TTLL7: variants seen among roughly 807,000 people sequenced by gnomAD.
The protein encoded by TTLL7 is tubulin tyrosine ligase like 7.
Under a neutral mutation model 120.2 loss-of-function variants are expected in TTLL7, and 53 were observed. That is an observed-to-expected ratio of 0.44 (90% confidence interval 0.35 to 0.55). The LOEUF (loss-of-function observed/expected upper bound fraction) is 0.55, where lower values mean the gene tolerates loss of function less well. Ranked by LOEUF, TTLL7 falls within the 20% of genes least tolerant of loss-of-function variation. The pLI is 0.00. For missense variants in TTLL7, 803 were observed against 1,054.7 expected (o/e 0.76, Z 3.31); for synonymous variants, 353 against 351.7 (o/e 1.00, Z -0.04).
In TTLL7 at chr1:83,991,399, A is replaced by AT. The variant is rs558594387; in HGVS notation, c.-177+7531dup. ...GGTGGTTCACACCTGTAATCCCTGC[A>AT]TTTTGGGATGCTAAGGCTGGTGGAC... On this transcript the variant is annotated intron_variant, in intron 1 of 20. Coordinates refer to ENST00000260505, the MANE Select transcript of TTLL7 (RefSeq NM_024686.6). Among the ~76,000 whole-genome samples, 8 of 152,302 alleles carry AT rather than the reference A, an allele frequency of 5.3e-5. No homozygotes were observed. The East Asian group carries it at 1.5e-3, about 29-fold the overall frequency.
At chr1:83,914,479 ATG>A (rs1557626684) in intron 14 of TTLL7, among the ~76,000 whole-genome samples, 2 of 151,668 alleles carry the variant, frequency 1.3e-5, no homozygotes, top group Non-Finnish European at 2.9e-5. Context: ...CTACAGGCGC[ATG>A]CCACCACACC....
At chr1:83,914,593 G>A (rs1161586019) in intron 14 of TTLL7, among the ~76,000 whole-genome samples, 4 of 152,058 alleles carry the variant, frequency 2.6e-5, no homozygotes, top group East Asian at 1.9e-4. Context: ...GCCTCCCAAA[G>A]TGCTGGGATT....
At chr1:83,937,749 G>A (rs1482779261) in intron 8 of TTLL7, 103 bp downstream of exon 8, 15 of 1,370,664 alleles carry the variant, frequency 1.1e-5, no homozygotes, top group Non-Finnish European at 1.5e-5. Flanking sequence ...TCAATTATAG[G>A]GAACCAAGTT....
chr1:83,948,562 A>G (rs1648733363), intron 5 of TTLL7, 66 bp downstream of exon 5: 1 of 1,005,522 alleles, frequency 9.9e-7, no homozygotes, highest in Non-Finnish European at 1.5e-6. Flanking sequence ...TGTGAAAGAT[A>G]GCACTACAGT....
intron 1 of TTLL7, among the ~76,000 whole-genome samples, chr1:83,988,188 A>G (rs920495425): frequency 1.3e-5 from 2 of 152,236 alleles, no homozygotes; most frequent in African/African-American, 4.8e-5. Flanking sequence ...CTCCAGCTGC[A>G]TCCATGTTGC....
intron 1 of TTLL7, among the ~76,000 whole-genome samples, chr1:83,991,580 G>C (rs1653006488): frequency 2.6e-5 from 4 of 152,108 alleles, no homozygotes; most frequent in Admixed American, 2.6e-4. Flanking sequence ...GGAATTTAAG[G>C]CTGCAGTGAA....
intron 19 of TTLL7, chr1:83,889,864 T>G (rs1479760430): frequency 1.1e-5 from 5 of 455,542 alleles, no homozygotes; most frequent in African/African-American, 6.0e-5. Context: ...CCAACTTGTA[T>G]GACTGAGAGA....
Position 83,868,847 on chromosome 1 carries a change from T to A in TTLL7, c.*1115A>T, listed in dbSNP as rs1233699325. ...AAGATTTTGTTACCATCATTTTCTG[T>A]TCCTTTATGTGATTATGAAAAGTAA... On this transcript the variant is annotated 3_prime_UTR_variant, in exon 21 of 21. Coordinates refer to ENST00000260505, the MANE Select transcript of TTLL7 (RefSeq NM_024686.6). 1.3e-5 allele frequency: 2 copies of A among 152,104 alleles called. No individual in the cohort carries two copies. Among genetic ancestry groups the A allele is most frequent in the Admixed American group, 6.6e-5 (1 of 15,266 alleles). 9.4% of individuals were successfully genotyped at this position (152,104 alleles called of 1,614,324 possible).
At chr1:83,947,667 A>G (rs1379012798) in intron 5 of TTLL7, 1 of 155,854 alleles carries the variant, frequency 6.4e-6, no homozygotes, top group African/African-American at 2.4e-5. Flanking sequence ...TAGGTACACT[A>G]AAGGCATATA....
intron 6 of TTLL7, 152 bp downstream of exon 6, chr1:83,946,972 A>T (rs1022376018): frequency 3.5e-6 from 2 of 563,902 alleles, no homozygotes; most frequent in East Asian, 3.3e-5. Context: ...AATAGAGATC[A>T]TTAAATATTT....
At chr1:83,895,896 T>C (rs955045949) in intron 18 of TTLL7, among the ~76,000 whole-genome samples, 1 of 152,060 alleles carries the variant, frequency 6.6e-6, no homozygotes, top group African/African-American at 2.4e-5. Context: ...AAAAACAAGG[T>C]TGCCTAGGCA....
At chr1:83,938,645 A>G (rs941814714) in intron 7 of TTLL7, among the ~76,000 whole-genome samples, 1 of 152,054 alleles carries the variant, frequency 6.6e-6, no homozygotes, top group Non-Finnish European at 1.5e-5. Flanking sequence ...CTGGAGTTCT[A>G]TGTTTTTGTC....
chr1:83,950,414 C>G (rs934800165), intron 3 of TTLL7, among the ~76,000 whole-genome samples: 3 of 152,120 alleles, frequency 2.0e-5, no homozygotes, highest in Non-Finnish European at 4.4e-5. Flanking sequence ...CTTTCCACCT[C>G]CCTAGTTCAA....
chr1:83,933,575 A>G (rs376615807), intron 9 of TTLL7, 33 bp downstream of exon 9: 8 of 1,602,192 alleles, frequency 5.0e-6, no homozygotes, highest in South Asian at 2.2e-5. Context: ...AAGGACAGTG[A>G]TAACTCTTCT....
At chr1:83,997,600 C>G (rs1253129406) in intron 1 of TTLL7, among the ~76,000 whole-genome samples, 1 of 152,158 alleles carries the variant, frequency 6.6e-6, no homozygotes, top group Non-Finnish European at 1.5e-5. Context: ...GTTCCTTAGT[C>G]TGTAAAATGG....
At chr1:83,894,417 G>C (rs1402054283) in intron 18 of TTLL7, among the ~76,000 whole-genome samples, 1 of 152,100 alleles carries the variant, frequency 6.6e-6, no homozygotes, top group African/African-American at 2.4e-5. Flanking sequence ...AGACCATGGA[G>C]TATTCATTCA....
At chr1:83,934,441 G>A (rs993430855) in intron 8 of TTLL7, among the ~76,000 whole-genome samples, 5 of 152,092 alleles carry the variant, frequency 3.3e-5, no homozygotes, top group Admixed American at 2.6e-4. Context: ...AGGCTGAAAG[G>A]GCTGGAAGAC....
intron 1 of TTLL7, among the ~76,000 whole-genome samples, chr1:83,988,347 C>T (rs1391891984): frequency 6.6e-6 from 1 of 152,172 alleles, no homozygotes; most frequent in Non-Finnish European, 1.5e-5. Context: ...ACATATTATA[C>T]AAGTACATGT....
At chr1:83,932,783 T>A (rs1871924) in intron 9 of TTLL7, among the ~76,000 whole-genome samples, 74,485 of 151,876 alleles carry the variant, frequency 0.49, 19,039 homozygotes, top group Non-Finnish European at 0.57. Context: ...CTTCTACAGC[T>A]GTATGTTCCT....
Sources: allele counts gnomAD v4.1 joint callset (sites outside exome capture counted in the v4.1 genomes callset), GRCh38; gene constraint gnomAD v4.1.1; transcripts MANE v1.5; gene names NCBI Gene and HGNC (gene_info 2026-07-23, HGNC 2026-07-21).